The following ADAMTS16 variants were observed in gnomAD, a reference collection of about 807,000 sequenced individuals.
The protein encoded by ADAMTS16 is ADAM metallopeptidase with thrombospondin type 1 motif 16.
A neutral mutation model predicts 145.8 loss-of-function variants in ADAMTS16; 94 were observed. That is an observed-to-expected ratio of 0.64 (90% CI 0.55 to 0.77). The LOEUF (loss-of-function observed/expected upper bound fraction) is 0.77. Among genes scored for constraint, ADAMTS16 ranks in the 30% least tolerant of loss-of-function variants. ADAMTS16 has a pLI of 0.00. For synonymous variants in ADAMTS16, 659 were observed against 604.3 expected, an observed-to-expected ratio of 1.09 and a Z score of -1.33; for missense variants, 1,585 against 1,591.5, an observed-to-expected ratio of 1.00 and a Z score of 0.07.
At chr5:5,244,943 C>T (rs1172818024) in intron 17 of ADAMTS16, among the ~76,000 whole-genome samples, 3 of 152,150 alleles carry the variant, frequency 2.0e-5, no homozygotes, top group Admixed American at 6.5e-5. Context: ...TGTCAAATTT[C>T]CCCCAATAGT....
intron 8 of ADAMTS16, among the ~76,000 whole-genome samples, chr5:5,198,432 A>C (rs777666395): frequency 6.6e-6 from 1 of 152,166 alleles, no homozygotes; most frequent in Non-Finnish European, 1.5e-5. Flanking sequence ...CAGTATTTGC[A>C]CGCCAGATTT....
chr5:5,303,238 C>G lies in ADAMTS16; in HGVS notation c.2790-30C>G, dbSNP rs756362604. The G allele has an allele frequency of 1.5e-5, 22 of 1,510,532 alleles. 1 individual carries two copies. The South Asian group carries it at 2.8e-4, about 19-fold the overall frequency. 93.6% of individuals were successfully genotyped at this position (1,510,532 alleles called of 1,614,324 possible). On this transcript the variant is annotated intron_variant, in intron 18 of 22. Transcript: ENST00000274181. ...CTTCTATCAGAGTGATGGAGCCATC[C>G]CTCACCGAGGTCTCTTTGTCCCTGC...
Position 5,229,304 on chromosome 5 carries a change from C to CAAAAA in ADAMTS16, c.1702-3048_1702-3044dup, listed in dbSNP as rs1195176050. ...TGGGCGACAGAGCGAGACTCCGTCT[C>CAAAAA]AAAAAAAAAAAAAAAAAAAAGAAGT... On this transcript the variant is annotated intron_variant, in intron 11 of 22. Coordinates refer to ENST00000274181, the MANE Select transcript of ADAMTS16 (RefSeq NM_139056.4). Among the ~76,000 whole-genome samples the CAAAAA allele has an allele frequency of 3.6e-3, 267 of 75,172 alleles. 9 individuals are homozygous for CAAAAA. Among genetic ancestry groups the CAAAAA allele is most frequent in the African/African-American group, 0.012 (225 of 18,546 alleles). The allele number at this position is 75,172 out of a possible 152,430, so 49.3% of individuals were successfully genotyped here.
Position 5,239,661 on chromosome 5 carries a change from T to A in ADAMTS16, c.2279-20T>A. 2.5e-6 allele frequency: 4 copies of A among 1,610,178 alleles called. No individual in the cohort carries two copies. Among genetic ancestry groups the A allele is most frequent in the Non-Finnish European group, 2.5e-6 (3 of 1,176,704 alleles). Reference sequence around the variant, plus strand: ...CTTTCTGGAATGAAAAGCTGTATCTTCCCCATTTCCTTTATCTAGAGTATT... The same window carrying A: ...CTTTCTGGAATGAAAAGCTGTATCTACCCCATTTCCTTTATCTAGAGTATT... On this transcript the variant is annotated intron_variant, in intron 15 of 22. Coordinates refer to ENST00000274181, the MANE Select transcript of ADAMTS16 (RefSeq NM_139056.4).
chr5:5,202,953 A>T (rs1736002334), intron 9 of ADAMTS16, among the ~76,000 whole-genome samples: 1 of 152,214 alleles, frequency 6.6e-6, no homozygotes, highest in Non-Finnish European at 1.5e-5. Flanking sequence ...GACATAATAT[A>T]GTCCTAAGAA....
At chr5:5,143,627 G>A (rs1734221699) in intron 2 of ADAMTS16, among the ~76,000 whole-genome samples, 1 of 152,164 alleles carries the variant, frequency 6.6e-6, no homozygotes, top group African/African-American at 2.4e-5. Flanking sequence ...TCCCATTACT[G>A]GGTATATACC....
At chr5:5,305,560 ACG>A (rs766065615) in intron 20 of ADAMTS16, among the ~76,000 whole-genome samples, 54,767 of 148,884 alleles carry the variant, frequency 0.37, 10,367 homozygotes, top group East Asian at 0.48. Context: ...ACACACACAC[ACG>A]TCAGAGCTTC....
rs147479728 is a variant in ADAMTS16, at chr5:5,229,859, A to C, written c.1702-2509A>C. ...ATTAGAATATCATTAGCCTTGCAACACTCAAAGATGTAAAGGATCTGGGAA... is the reference window on the plus strand; with the variant it reads ...ATTAGAATATCATTAGCCTTGCAACCCTCAAAGATGTAAAGGATCTGGGAA... On this transcript the variant is annotated intron_variant, in intron 11 of 22. Coordinates refer to ENST00000274181, the MANE Select transcript of ADAMTS16 (RefSeq NM_139056.4). Among the ~76,000 whole-genome samples, 610 of 152,316 alleles carry C rather than the reference A, an allele frequency of 4.0e-3. 1 individual carries two copies. The highest frequency in any genetic ancestry group is 0.011 in the African/African-American group (457 of 41,574).
At chr5:5,253,931 G>A (rs1277331238) in intron 17 of ADAMTS16, among the ~76,000 whole-genome samples, 1 of 152,106 alleles carries the variant, frequency 6.6e-6, no homozygotes, top group Admixed American at 6.5e-5. Flanking sequence ...ATGGTTTATC[G>A]AATGCTTTTC....
At chr5:5,299,016 C>A (rs775288688) in intron 18 of ADAMTS16, among the ~76,000 whole-genome samples, 2 of 151,998 alleles carry the variant, frequency 1.3e-5, no homozygotes, top group Non-Finnish European at 2.9e-5. Context: ...TCTAATGTTG[C>A]GTCTCACGGC....
chr5:5,225,793 T>C (rs1736743967), intron 11 of ADAMTS16, among the ~76,000 whole-genome samples: 2 of 152,156 alleles, frequency 1.3e-5, no homozygotes, highest in South Asian at 4.1e-4. Context: ...CAGGCAAATA[T>C]GCATTTGCCT....
chr5:5,246,604 A>G (rs981092771), intron 17 of ADAMTS16, among the ~76,000 whole-genome samples: 6 of 152,236 alleles, frequency 3.9e-5, no homozygotes, highest in Admixed American at 6.5e-5. Flanking sequence ...CTGAGGAAAT[A>G]CAAGAGACTT....
intron 17 of ADAMTS16, among the ~76,000 whole-genome samples, chr5:5,245,512 A>G (rs1737415358): frequency 2.0e-5 from 3 of 152,216 alleles, no homozygotes; most frequent in Admixed American, 6.5e-5. Flanking sequence ...ATAATTTTTA[A>G]GACTTCTACT....
chr5:5,194,141 G>C (rs1394219716), intron 8 of ADAMTS16, among the ~76,000 whole-genome samples: 1 of 152,046 alleles, frequency 6.6e-6, no homozygotes, highest in East Asian at 1.9e-4. Flanking sequence ...GGATGAAGGA[G>C]AGTCCCATTG....
At chr5:5,162,942 C>CA (rs1734781396) in intron 3 of ADAMTS16, among the ~76,000 whole-genome samples, 1 of 152,124 alleles carries the variant, frequency 6.6e-6, no homozygotes, top group African/African-American at 2.4e-5. Flanking sequence ...TGGAATTCTG[C>CA]ATTTATTGTG....
At chr5:5,249,454 G>C (rs1227043352) in intron 17 of ADAMTS16, among the ~76,000 whole-genome samples, 4 of 152,000 alleles carry the variant, frequency 2.6e-5, no homozygotes, top group African/African-American at 9.7e-5. Context: ...CCGTGAAGGG[G>C]GTGACTCGTT....
At chr5:5,228,285 C>T (rs1736824304) in intron 11 of ADAMTS16, among the ~76,000 whole-genome samples, 2 of 152,074 alleles carry the variant, frequency 1.3e-5, no homozygotes, top group African/African-American at 4.8e-5. Context: ...AAAAAAGATG[C>T]TACAAATAAT....
At position 5,298,387 on chromosome 5, in the gene ADAMTS16, A is replaced by T. The variant is rs553104565; in HGVS notation, c.2790-4881A>T. 2.0e-5 allele frequency among the ~76,000 whole-genome samples: 3 copies of T among 152,336 alleles called. No individual in the cohort carries two copies. In the East Asian group the frequency reaches 5.8e-4, roughly 29 times the overall value. On this transcript the variant is annotated intron_variant, in intron 18 of 22. Coordinates refer to ENST00000274181, the MANE Select transcript of ADAMTS16 (RefSeq NM_139056.4). The stretch of plus-strand genomic sequence containing the variant: ...TTGTTTATTTCAGAGCTGGACTTCT[A>T]CCTTTGAACTTGCTTGGAGTGTAGC...
chr5:5,252,063 A>G (rs1239729792), intron 17 of ADAMTS16, among the ~76,000 whole-genome samples: 1 of 152,070 alleles, frequency 6.6e-6, no homozygotes, highest in Non-Finnish European at 1.5e-5. Context: ...GTTAGCCAGG[A>G]TGGTCTTGAT....
Sources: allele counts gnomAD v4.1 joint callset (sites outside exome capture counted in the v4.1 genomes callset), GRCh38; gene constraint gnomAD v4.1.1; transcripts MANE v1.5; gene names NCBI Gene and HGNC (gene_info 2026-07-23, HGNC 2026-07-21).